The following CTBP2 variants were observed in gnomAD, a reference collection of about 807,000 sequenced individuals.
CTBP2 encodes C-terminal binding protein 2.
Under a neutral mutation model 80.3 loss-of-function variants are expected in CTBP2, and 30 were observed. The observed-to-expected ratio is 0.37, with a 90% CI of 0.28 to 0.51. The LOEUF is 0.51. Among genes scored for constraint, CTBP2 ranks in the 20% least tolerant of loss-of-function variants. The pLI is 0.93. For synonymous variants in CTBP2, 594 were observed against 587.4 expected, an observed-to-expected ratio of 1.01 and a Z score of -0.16; for missense variants, 1,212 against 1,375.3, an observed-to-expected ratio of 0.88 and a Z score of 1.88.
At chr10:125,069,367 C>G (rs1845115837) in intron 2 of CTBP2, among the ~76,000 whole-genome samples, 1 of 152,340 alleles carries the variant, frequency 6.6e-6, no homozygotes, top group South Asian at 2.1e-4. Flanking sequence ...CCCGTTATCC[C>G]AGCACTTTGG....
At chr10:125,141,593 G>T (rs1264408756) in intron 1 of CTBP2, among the ~76,000 whole-genome samples, 1 of 152,080 alleles carries the variant, frequency 6.6e-6, no homozygotes, top group East Asian at 1.9e-4. Context: ...CACGGAACAG[G>T]AAGCAGGGAG....
intron 2 of CTBP2, among the ~76,000 whole-genome samples, chr10:125,042,570 C>T (rs1005391438): frequency 1.1e-4 from 16 of 152,220 alleles, no homozygotes; most frequent in African/African-American, 3.9e-4. Context: ...GAGTTCTAGA[C>T]CCCACTCGTG....
At chr10:125,055,356 A>C (rs1395451209) in intron 2 of CTBP2, among the ~76,000 whole-genome samples, 1 of 152,218 alleles carries the variant, frequency 6.6e-6, no homozygotes, top group East Asian at 1.9e-4. Context: ...GGAAGGCTGC[A>C]AAAACCACGC....
chr10:125,064,091 T>G (rs1382696442), intron 2 of CTBP2, among the ~76,000 whole-genome samples: 1 of 152,268 alleles, frequency 6.6e-6, no homozygotes, highest in Non-Finnish European at 1.5e-5. Flanking sequence ...TTTTGTATTT[T>G]TGGCCAGGAC....
intron 2 of CTBP2, among the ~76,000 whole-genome samples, chr10:125,083,967 T>C (rs1197308500): frequency 1.3e-5 from 2 of 152,010 alleles, no homozygotes; most frequent in Non-Finnish European, 2.9e-5. Context: ...CTTTAGTAGA[T>C]ATGGGGTTTC....
intron 2 of CTBP2, among the ~76,000 whole-genome samples, chr10:125,041,469 G>A (rs75616011): frequency 6.7e-6 from 1 of 149,392 alleles, no homozygotes; most frequent in Non-Finnish European, 1.5e-5. Context: ...GGGGCGGGGG[G>A]CCAAACCTAT....
intron 2 of CTBP2, among the ~76,000 whole-genome samples, chr10:125,047,043 G>T (rs1457106802): frequency 3.3e-5 from 5 of 152,106 alleles, no homozygotes; most frequent in Admixed American, 6.5e-5. Flanking sequence ...TGTTGCTAAA[G>T]AAAATGAGCC....
At position 124,986,277 on chromosome 10, in the gene CTBP2, G is replaced by GCA. The variant is rs1236967383; in HGVS notation, c.*3239_*3240dup. ...CCAGGAATTTGGAAAGACGACACAC[G>GCA]CACGCGCGCGCGCGCACACACACAC... On this transcript the variant is annotated 3_prime_UTR_variant, in exon 9 of 9. Transcript: ENST00000309035. 4 of 21,454 alleles carry GCA rather than the reference G, an allele frequency of 1.9e-4. No homozygotes were observed. The highest frequency in any genetic ancestry group is 5.9e-3 in the East Asian group (2 of 338). 1.3% of individuals were successfully genotyped at this position (21,454 alleles called of 1,614,324 possible). A position where few individuals can be genotyped will look rare whatever the true frequency, so the allele number is the denominator to read the frequency against.
At chr10:125,037,549 C>T (rs2134952352) in intron 3 of CTBP2, among the ~76,000 whole-genome samples, 1 of 152,330 alleles carries the variant, frequency 6.6e-6, no homozygotes, top group East Asian at 1.9e-4. Flanking sequence ...GGGGCCTGGG[C>T]TCTTCAGTAA....
Position 125,035,927 on chromosome 10 carries a change from T to A in CTBP2, c.58+3070A>T, listed in dbSNP as rs144006765. 1.4e-3 allele frequency among the ~76,000 whole-genome samples: 207 copies of A among 152,224 alleles called. 2 individuals are homozygous for A. Among genetic ancestry groups the A allele is most frequent in the African/African-American group, 4.6e-3 (190 of 41,546 alleles). On this transcript the variant is annotated intron_variant, in intron 3 of 10. Transcript: ENST00000337195. ...GGGCTCCTTCGTAATAATTCTTACA[T>A]GGTATTATAGGATTGCTTGATAGCA...
intron 1 of CTBP2, among the ~76,000 whole-genome samples, chr10:125,023,756 C>T (rs553702959): frequency 8.5e-5 from 13 of 152,208 alleles, no homozygotes; most frequent in Admixed American, 3.3e-4. Context: ...GCAGGTAGTT[C>T]GTGGACTGAG....
intron 2 of CTBP2, among the ~76,000 whole-genome samples, chr10:125,110,201 C>T (rs1251199760): frequency 6.6e-6 from 1 of 152,198 alleles, no homozygotes; most frequent in South Asian, 2.1e-4. Flanking sequence ...AATTGGCTAG[C>T]GGTTTCCCTT....
At chr10:125,120,129 T>C (rs576726920) in intron 1 of CTBP2, among the ~76,000 whole-genome samples, 37 of 152,320 alleles carry the variant, frequency 2.4e-4, no homozygotes, top group Admixed American at 2.4e-3. Flanking sequence ...CGAGAATCCC[T>C]TGCCCCAGCG....
chr10:125,149,079 C>G (rs999851896), intron 1 of CTBP2, among the ~76,000 whole-genome samples: 1 of 152,170 alleles, frequency 6.6e-6, no homozygotes, highest in Non-Finnish European at 1.5e-5. Flanking sequence ...GATGCCAGCT[C>G]AGTGGATCTT....
chr10:125,117,613 C>T lies in CTBP2; in HGVS notation c.-205-6520G>A, dbSNP rs144897435. On this transcript the variant is annotated intron_variant, in intron 1 of 10. Coordinates refer to the CTBP2 transcript ENST00000337195. ...GAAAAGAAATACAATAAAATGACAA[C>T]GTCTACCAAAGGGCTGAGTGTCAGA... Among the ~76,000 whole-genome samples, 25 of 152,296 alleles carry T rather than the reference C, an allele frequency of 1.6e-4. No individual in the cohort carries two copies. The East Asian group carries it at 3.9e-3, about 23-fold the overall frequency.
intron 2 of CTBP2, among the ~76,000 whole-genome samples, chr10:125,049,172 G>A (rs929209232): frequency 6.6e-6 from 1 of 151,948 alleles, no homozygotes; most frequent in African/African-American, 2.4e-5. Flanking sequence ...CTCCACACTG[G>A]CAGGGTACCT....
chr10:125,012,573 C>T (rs182909384), intron 1 of CTBP2, among the ~76,000 whole-genome samples: 3 of 152,328 alleles, frequency 2.0e-5, no homozygotes, highest in East Asian at 1.9e-4. Flanking sequence ...ATACCCCACT[C>T]GTGTGGCCGA....
At chr10:125,009,049 C>T (rs1955570657) in intron 1 of CTBP2, among the ~76,000 whole-genome samples, 1 of 152,194 alleles carries the variant, frequency 6.6e-6, no homozygotes, top group Non-Finnish European at 1.5e-5. Context: ...ATGTGAGGTC[C>T]CTTTCCAGCC....
rs147824212 is a variant in CTBP2 at position 125,129,078 on chromosome 10, C to T, written c.-205-17985G>A. ...AAAAAGGTACATGTGTCATAATATA[C>T]ATACATATTAAATTGTATGTATACA... On this transcript the variant is annotated intron_variant, in intron 1 of 10. Transcript: ENST00000337195. Among the ~76,000 whole-genome samples, 618 of 152,094 alleles carry T rather than the reference C, an allele frequency of 4.1e-3. 9 individuals carry two copies. The highest frequency in any genetic ancestry group is 0.014 in the African/African-American group (584 of 41,548).
Sources: gnomAD v4.1 joint callset for allele counts (sites outside exome capture counted in the v4.1 genomes callset) on GRCh38, gnomAD v4.1.1 for gene constraint, MANE v1.5 for transcripts, NCBI Gene and HGNC (gene_info 2026-07-23, HGNC 2026-07-21) for gene names.